CCDC126: variants seen among roughly 807,000 people sequenced by gnomAD.
CCDC126 encodes the protein coiled-coil domain containing 126, also known as coiled-coil domain-containing protein 126.
A neutral mutation model predicts 11.7 loss-of-function variants in CCDC126; 5 were observed. That is an observed-to-expected ratio of 0.43 (90% CI 0.22 to 0.90). The LOEUF is 0.90. Ranked by LOEUF, CCDC126 falls within the 40% of genes least tolerant of loss-of-function variation. The probability of loss-of-function intolerance (pLI) is 0.27; values close to 1 mark genes in which losing one functional copy is unlikely to be tolerated. For missense variants in CCDC126, 150 were observed against 163.1 expected (o/e 0.92, Z 0.44); for synonymous variants, 60 against 61.9 (o/e 0.97, Z 0.14).
chr7:23,640,437 C>T lies in CCDC126; in HGVS notation c.239-2494C>T, dbSNP rs548954105. Among the ~76,000 whole-genome samples the T allele has an allele frequency of 2.6e-5, 4 of 151,764 alleles. No homozygotes were observed. In the South Asian group the frequency reaches 6.3e-4, roughly 24 times the overall value. ...ACTTGTACCTGGGAGGTGGAGGTTG[C>T]GATGAGCCGAGATCGCGCCATTGCA... On this transcript the variant is annotated intron_variant, in intron 3 of 3. Transcript: ENST00000307471.
intron 3 of CCDC126, among the ~76,000 whole-genome samples, chr7:23,632,606 C>T (rs1015447423): frequency 3.3e-5 from 5 of 152,164 alleles, no homozygotes; most frequent in African/African-American, 1.2e-4. Flanking sequence ...TACAGTTTTG[C>T]AAGATGTTAC....
In CCDC126 at chr7:23,643,933, TTGAG is replaced by T. The variant is rs1783412609; in HGVS notation, c.*821_*824del. 6.6e-6 allele frequency: 1 copy of T among 152,132 alleles called. No homozygotes were observed. The highest frequency in any genetic ancestry group is 1.5e-5 in the Non-Finnish European group (1 of 67,960). 9.4% of individuals were successfully genotyped at this position (152,132 alleles called of 1,614,324 possible). The stretch of plus-strand genomic sequence containing the variant: ...AATGTTCATTTAAAAGTTTAATCCT[TTGAG>T]TGTCTATGCTATCAGGAAAGCACAT... On this transcript the variant is annotated 3_prime_UTR_variant, in exon 4 of 4. Coordinates refer to ENST00000307471, the MANE Select transcript of CCDC126 (RefSeq NM_138771.4).
rs1267408851 is a variant in CCDC126 at position 23,606,300 on chromosome 7, T to C, written c.-145-4871T>C. 1.4e-4 allele frequency among the ~76,000 whole-genome samples: 21 copies of C among 152,244 alleles called. No individual in the cohort carries two copies. In the East Asian group the frequency reaches 3.7e-3, roughly 27 times the overall value. On this transcript the variant is annotated intron_variant, in intron 2 of 3. Coordinates refer to ENST00000307471, the MANE Select transcript of CCDC126 (RefSeq NM_138771.4). The stretch of plus-strand genomic sequence containing the variant: ...GTCTCGATCTCCTGACCTCGTGATC[T>C]GCCTGCCTTGGCCTCCCAAAGTGCT...
At chr7:23,598,800 C>T (rs879832297) in intron 2 of CCDC126, among the ~76,000 whole-genome samples, 4 of 152,174 alleles carry the variant, frequency 2.6e-5, no homozygotes, top group Non-Finnish European at 5.9e-5. Flanking sequence ...GTAATGGCTA[C>T]GGAAATAGGA....
intron 3 of CCDC126, among the ~76,000 whole-genome samples, chr7:23,629,536 A>G (rs546279989): frequency 3.9e-5 from 6 of 152,358 alleles, no homozygotes; most frequent in African/African-American, 1.4e-4. Context: ...AGCTGCTATG[A>G]TAAAATTTCT....
intron 3 of CCDC126, among the ~76,000 whole-genome samples, chr7:23,638,929 A>G (rs1783301066): frequency 6.7e-6 from 1 of 149,492 alleles, no homozygotes; most frequent in African/African-American, 2.4e-5. Context: ...TTTTAATATT[A>G]TAAAGGAGGT....
At chr7:23,599,118 C>T (rs1205317648) in intron 2 of CCDC126, among the ~76,000 whole-genome samples, 2 of 152,140 alleles carry the variant, frequency 1.3e-5, no homozygotes, top group Admixed American at 6.5e-5. Context: ...GAATCTCTAC[C>T]AGCCAGTTAT....
At chr7:23,618,410 G>A (rs1317089149) in intron 3 of CCDC126, among the ~76,000 whole-genome samples, 5 of 152,044 alleles carry the variant, frequency 3.3e-5, no homozygotes, top group Admixed American at 6.6e-5. Flanking sequence ...ACTCTGAGTT[G>A]CCTCCTTAAG....
At chr7:23,619,155 G>A (rs1782845282) in intron 3 of CCDC126, among the ~76,000 whole-genome samples, 1 of 152,172 alleles carries the variant, frequency 6.6e-6, no homozygotes, top group African/African-American at 2.4e-5. Flanking sequence ...TGCAGTGGGG[G>A]AGGTTTTGGA....
intron 3 of CCDC126, among the ~76,000 whole-genome samples, chr7:23,617,782 A>G (rs1178508947): frequency 6.6e-6 from 1 of 152,172 alleles, no homozygotes; most frequent in Non-Finnish European, 1.5e-5. Context: ...AATTCACTAG[A>G]TTGACCTGTA....
At chr7:23,614,383 C>T (rs1408528022) in intron 3 of CCDC126, among the ~76,000 whole-genome samples, 3 of 152,202 alleles carry the variant, frequency 2.0e-5, no homozygotes, top group Admixed American at 6.5e-5. Context: ...AATTCAGTCT[C>T]GTTTTCAGGC....
chr7:23,622,421 G>T (rs975901368), intron 3 of CCDC126: 12 of 355,098 alleles, frequency 3.4e-5, no homozygotes, highest in Admixed American at 1.9e-4. Flanking sequence ...GGGATCAGTG[G>T]TGATCTCTCC....
intron 3 of CCDC126, among the ~76,000 whole-genome samples, chr7:23,624,168 T>C (rs559877958): frequency 6.6e-6 from 1 of 152,358 alleles, no homozygotes; most frequent in African/African-American, 2.4e-5. Context: ...TTGTTTGTTA[T>C]CTTTAGCCTT....
At chr7:23,640,188 A>AAT (rs1783328956) in intron 3 of CCDC126, among the ~76,000 whole-genome samples, 1 of 149,348 alleles carries the variant, frequency 6.7e-6, no homozygotes, top group Non-Finnish European at 1.5e-5. Context: ...GTCTCAAAAA[A>AAT]AATAATAATA....
chr7:23,631,218 G>A (rs758263405), intron 3 of CCDC126, among the ~76,000 whole-genome samples: 1 of 151,984 alleles, frequency 6.6e-6, no homozygotes, highest in African/African-American at 2.4e-5. Flanking sequence ...CAAAGAACTT[G>A]TCCTTTAATA....
At chr7:23,623,544 C>T (rs1352464148) in intron 3 of CCDC126, among the ~76,000 whole-genome samples, 1 of 148,548 alleles carries the variant, frequency 6.7e-6, no homozygotes, top group African/African-American at 2.5e-5. Context: ...TGTGGTGGGC[C>T]GAAGTTGTGC....
At chr7:23,634,394 G>T (rs765890946) in intron 3 of CCDC126, among the ~76,000 whole-genome samples, 12 of 152,228 alleles carry the variant, frequency 7.9e-5, no homozygotes, top group Non-Finnish European at 1.6e-4. Flanking sequence ...GGTCGAGGCT[G>T]CAGTGAGCCA....
intron 3 of CCDC126, among the ~76,000 whole-genome samples, chr7:23,639,957 C>T (rs1325682696): frequency 2.0e-5 from 3 of 152,044 alleles, no homozygotes. Context: ...GGGTAGATCA[C>T]CTGAAGTCAG....
At chr7:23,607,152 G>C (rs1782637408) in intron 2 of CCDC126, among the ~76,000 whole-genome samples, 1 of 152,150 alleles carries the variant, frequency 6.6e-6, no homozygotes, top group African/African-American at 2.4e-5. Flanking sequence ...TGAATTTCAA[G>C]TTTTGTGTTT....
Sources: allele counts gnomAD v4.1 joint callset (sites outside exome capture counted in the v4.1 genomes callset), GRCh38; gene constraint gnomAD v4.1.1; transcripts MANE v1.5; gene names NCBI Gene and HGNC (gene_info 2026-07-23, HGNC 2026-07-21).